The following MAP2K6 variants were observed in gnomAD, a reference collection of about 807,000 sequenced individuals.
MAP2K6 encodes mitogen-activated protein kinase kinase 6.
A neutral mutation model predicts 53.7 loss-of-function variants in MAP2K6; 16 were observed. The observed-to-expected ratio is 0.30, with a 90% CI of 0.20 to 0.45. The LOEUF (loss-of-function observed/expected upper bound fraction) is 0.45. Among genes scored for constraint, MAP2K6 ranks in the 20% least tolerant of loss-of-function variants. The pLI is 1.00. For synonymous variants in MAP2K6, 132 were observed against 143.1 expected, an observed-to-expected ratio of 0.92 and a Z score of 0.55; for missense variants, 204 against 411.9, an observed-to-expected ratio of 0.50 and a Z score of 4.37.
chr17:69,510,587 A>AT (rs147092434), intron 2 of MAP2K6, among the ~76,000 whole-genome samples: 5,742 of 149,798 alleles, frequency 0.038, 334 homozygotes, highest in East Asian at 0.28. Flanking sequence ...ATGAGCCTGG[A>AT]TTTTTTTTTT....
At chr17:69,520,548 GAGCACTGTGTAGAAGATTCT>G in intron 6 of MAP2K6, 162 bp downstream of exon 6, 1 of 600,742 alleles carries the variant, frequency 1.7e-6, no homozygotes, top group East Asian at 2.8e-5. Context: ...TTTCCTTTCT[GAGCACTGTGTAGAAGATTCT>G]AGCACTGCTT....
At chr17:69,502,611 T>G in intron 1 of MAP2K6, 1 of 985,406 alleles carries the variant, frequency 1.0e-6, no homozygotes, top group Non-Finnish European at 1.2e-6. Context: ...GATGTCCAAC[T>G]TATATACATA....
At chr17:69,529,758 G>T (rs373031507) in intron 10 of MAP2K6, among the ~76,000 whole-genome samples, 3 of 152,072 alleles carry the variant, frequency 2.0e-5, no homozygotes, top group Admixed American at 2.0e-4. Flanking sequence ...GATCTGCCCC[G>T]CCTCAGCCTC....
intron 1 of MAP2K6, among the ~76,000 whole-genome samples, chr17:69,431,282 A>C (rs1465845166): frequency 6.6e-6 from 1 of 152,084 alleles, no homozygotes; most frequent in African/African-American, 2.4e-5. Context: ...GTGTCCAAAC[A>C]GTGAAAAATA....
At chr17:69,449,142 A>G (rs1907082950) in intron 1 of MAP2K6, among the ~76,000 whole-genome samples, 1 of 152,244 alleles carries the variant, frequency 6.6e-6, no homozygotes, top group South Asian at 2.1e-4. Context: ...CTGCTCTTCC[A>G]CTTACTAGCT....
At chr17:69,528,742 C>G (rs1362693043) in intron 10 of MAP2K6, among the ~76,000 whole-genome samples, 2 of 151,254 alleles carry the variant, frequency 1.3e-5, no homozygotes, top group Non-Finnish European at 2.9e-5. Flanking sequence ...ACCTGTAGTC[C>G]CAGCTACTCG....
intron 1 of MAP2K6, among the ~76,000 whole-genome samples, chr17:69,452,265 C>G (rs550264573): frequency 6.6e-6 from 1 of 151,384 alleles, no homozygotes; most frequent in African/African-American, 2.4e-5. Context: ...AGGACCATCC[C>G]CACAATAAGA....
Position 69,543,442 on chromosome 17 carries a change from C to A in MAP2K6, c.*1689C>A, listed in dbSNP as rs1283162965. 6.6e-6 allele frequency: 1 copy of A among 152,054 alleles called. No individual in the cohort carries two copies. The highest frequency in any genetic ancestry group is 1.5e-5 in the Non-Finnish European group (1 of 67,996). 9.4% of individuals were successfully genotyped at this position (152,054 alleles called of 1,614,324 possible). A position where few individuals can be genotyped will look rare whatever the true frequency, so the allele number is the denominator to read the frequency against. ...AGCGTGACACTTCCGAACACTTCTT[C>A]ATATTCAGTTCCAAGATATATCTGC... On this transcript the variant is annotated 3_prime_UTR_variant, in exon 12 of 12. Transcript: ENST00000590474.
At chr17:69,442,377 C>A (rs899123452) in intron 1 of MAP2K6, among the ~76,000 whole-genome samples, 7 of 152,118 alleles carry the variant, frequency 4.6e-5, no homozygotes, top group Non-Finnish European at 1.0e-4. Flanking sequence ...TCCTTGGATC[C>A]TTAATCCTGA....
intron 8 of MAP2K6, 31 bp from the exon 9 acceptor site, chr17:69,524,870 C>T (rs201962430): frequency 1.9e-6 from 3 of 1,542,038 alleles, no homozygotes; most frequent in Admixed American, 3.3e-5. Context: ...AATTGTCTTC[C>T]CAGTTTCTCA....
chr17:69,453,705 A>G (rs1043967712), intron 1 of MAP2K6, among the ~76,000 whole-genome samples: 3 of 152,160 alleles, frequency 2.0e-5, no homozygotes, highest in African/African-American at 7.2e-5. Context: ...AGCCCTTTGT[A>G]AATGCAATTT....
intron 1 of MAP2K6, chr17:69,477,006 C>T (rs1039356720): frequency 6.6e-6 from 1 of 152,294 alleles, no homozygotes; most frequent in African/African-American, 2.4e-5. Flanking sequence ...CCAGCCACCA[C>T]TGGATCTTCT....
chr17:69,421,752 C>G (rs1203825873), intron 1 of MAP2K6, among the ~76,000 whole-genome samples: 3 of 151,790 alleles, frequency 2.0e-5, no homozygotes, highest in Admixed American at 1.3e-4. Flanking sequence ...ACCGTGTTAG[C>G]CAGGATGGTC....
intron 1 of MAP2K6, among the ~76,000 whole-genome samples, chr17:69,487,891 T>A (rs1908605039): frequency 6.6e-6 from 1 of 152,124 alleles, no homozygotes; most frequent in Non-Finnish European, 1.5e-5. Flanking sequence ...TTAAAGAAAA[T>A]CTTATGAAAT....
chr17:69,439,087 C>T (rs1906737129), intron 1 of MAP2K6, among the ~76,000 whole-genome samples: 1 of 152,304 alleles, frequency 6.6e-6, no homozygotes, highest in East Asian at 1.9e-4. Context: ...TATTTACTAT[C>T]TGGCCCTTTA....
At chr17:69,436,291 A>G (rs1277343653) in intron 1 of MAP2K6, among the ~76,000 whole-genome samples, 2 of 152,212 alleles carry the variant, frequency 1.3e-5, no homozygotes, top group Non-Finnish European at 2.9e-5. Flanking sequence ...TGGATATGCT[A>G]ATAGGTAGGG....
intron 1 of MAP2K6, among the ~76,000 whole-genome samples, chr17:69,459,344 T>C (rs894726463): frequency 2.6e-5 from 4 of 152,172 alleles, no homozygotes; most frequent in Non-Finnish European, 5.9e-5. Flanking sequence ...AATAAGTCAT[T>C]ATCTTTCCTT....
rs1906237398 is a variant in MAP2K6 at position 69,425,384 on chromosome 17, C to T, written c.16+10384C>T. The stretch of plus-strand genomic sequence containing the variant: ...CTGGAGTACAGTGGTGCTATCTCAG[C>T]TCACTGCAACCTCCGCCTCCCGGGT... On this transcript the variant is annotated intron_variant, in intron 1 of 11. Transcript: ENST00000590474. Among the ~76,000 whole-genome samples the T allele has an allele frequency of 2.0e-5, 3 of 151,976 alleles. No homozygotes were observed. In the South Asian group the frequency reaches 6.2e-4, roughly 32 times the overall value.
At chr17:69,454,990 C>T (rs1907351795) in intron 1 of MAP2K6, among the ~76,000 whole-genome samples, 1 of 151,310 alleles carries the variant, frequency 6.6e-6, no homozygotes, top group South Asian at 2.1e-4. Context: ...AGACTTAGTG[C>T]TTTCTTTCCT....
Sources: gnomAD v4.1 joint callset for allele counts (sites outside exome capture counted in the v4.1 genomes callset) on GRCh38, gnomAD v4.1.1 for gene constraint, MANE v1.5 for transcripts, NCBI Gene and HGNC (gene_info 2026-07-23, HGNC 2026-07-21) for gene names.